CACNA1E: variants seen among roughly 807,000 people sequenced by gnomAD.
The protein encoded by CACNA1E is voltage-dependent R-type calcium channel subunit alpha-1E.
CACNA1E carries 40 observed loss-of-function variants against 259.2 expected under a neutral mutation model. The ratio of observed to expected loss-of-function variants is 0.15; its 90% CI spans 0.12 to 0.20. The LOEUF (loss-of-function observed/expected upper bound fraction) is 0.20. Among genes scored for constraint, CACNA1E ranks in the 10% least tolerant of loss-of-function variants. The pLI, the probability that CACNA1E is intolerant of heterozygous loss-of-function variation, is 1.00. For synonymous variants in CACNA1E, 1,104 were observed against 1,138.5 expected, an observed-to-expected ratio of 0.97 and a Z score of 0.61; for missense variants, 1,874 against 3,040.1, an observed-to-expected ratio of 0.62 and a Z score of 9.02.
intron 2 of CACNA1E, among the ~76,000 whole-genome samples, chr1:181,463,738 C>A (rs1661967241): frequency 6.6e-6 from 1 of 151,950 alleles, no homozygotes; most frequent in African/African-American, 2.4e-5. Context: ...GTATCTTCTC[C>A]CCCACATGAC....
At chr1:181,679,177 G>A (rs929511585) in intron 7 of CACNA1E, among the ~76,000 whole-genome samples, 12 of 152,122 alleles carry the variant, frequency 7.9e-5, no homozygotes, top group Non-Finnish European at 1.3e-4. Flanking sequence ...AAGAATAGCC[G>A]GAAAGTTAAC....
intron 6 of CACNA1E, among the ~76,000 whole-genome samples, chr1:181,646,914 G>A (rs990449407): frequency 6.6e-6 from 1 of 152,260 alleles, no homozygotes; most frequent in Non-Finnish European, 1.5e-5. Flanking sequence ...TACCCGCTGA[G>A]CACTCCTGTG....
At chr1:181,694,479 C>T (rs1206437090) in intron 7 of CACNA1E, among the ~76,000 whole-genome samples, 2 of 152,144 alleles carry the variant, frequency 1.3e-5, no homozygotes, top group African/African-American at 2.4e-5. Flanking sequence ...GCTCTGCCCT[C>T]GTGAATGGAT....
chr1:181,770,134 T>G (rs1456755046), intron 35 of CACNA1E, among the ~76,000 whole-genome samples: 1 of 152,164 alleles, frequency 6.6e-6, no homozygotes, highest in East Asian at 1.9e-4. Context: ...AATTGCACAT[T>G]CTAAAAACTG....
chr1:181,605,063 G>A (rs1654101218), intron 6 of CACNA1E, among the ~76,000 whole-genome samples: 1 of 152,062 alleles, frequency 6.6e-6, no homozygotes, highest in South Asian at 2.1e-4. Context: ...AATAAGGAGA[G>A]CTGTCCAGAG....
At chr1:181,744,742 G>T (rs1309117389) in intron 25 of CACNA1E, among the ~76,000 whole-genome samples, 1 of 152,134 alleles carries the variant, frequency 6.6e-6, no homozygotes, top group Non-Finnish European at 1.5e-5. Flanking sequence ...TAATCTTGGA[G>T]GCAAAAAAAG....
chr1:181,399,176 A>G (rs113116609), intron 1 of CACNA1E, among the ~76,000 whole-genome samples: 1 of 151,898 alleles, frequency 6.6e-6, no homozygotes, highest in Admixed American at 6.6e-5. Flanking sequence ...GCTTGCAGGA[A>G]AGTTACAATT....
At chr1:181,319,279 G>T (rs1300444046) in intron 1 of CACNA1E, among the ~76,000 whole-genome samples, 1 of 152,222 alleles carries the variant, frequency 6.6e-6, no homozygotes, top group African/African-American at 2.4e-5. Context: ...ACTCAGAGAA[G>T]TGTTTTCCTG....
chr1:181,626,238 G>A (rs1285646073), intron 6 of CACNA1E, among the ~76,000 whole-genome samples: 3 of 152,196 alleles, frequency 2.0e-5, no homozygotes, highest in Non-Finnish European at 4.4e-5. Flanking sequence ...AGCATGTGCT[G>A]TTGGAAAAAT....
At chr1:181,725,863 G>A (rs1654859916) in intron 17 of CACNA1E, among the ~76,000 whole-genome samples, 1 of 152,242 alleles carries the variant, frequency 6.6e-6, no homozygotes. Context: ...CTATAGCTGT[G>A]AGACTACTGA....
chr1:181,792,866 A>G (rs1661450601), intron 44 of CACNA1E, among the ~76,000 whole-genome samples: 1 of 152,242 alleles, frequency 6.6e-6, no homozygotes, highest in South Asian at 2.1e-4. Context: ...ACAGAACCTT[A>G]GAGATTTCCA....
At chr1:181,760,781 G>T (rs1385486851) in intron 32 of CACNA1E, among the ~76,000 whole-genome samples, 1 of 152,192 alleles carries the variant, frequency 6.6e-6, no homozygotes, top group Non-Finnish European at 1.5e-5. Context: ...TGACTTCAAA[G>T]CTCACAATAA....
At chr1:181,563,788 G>A (rs1649550599) in intron 3 of CACNA1E, among the ~76,000 whole-genome samples, 1 of 152,142 alleles carries the variant, frequency 6.6e-6, no homozygotes, top group African/African-American at 2.4e-5. Context: ...CATGTACAAG[G>A]ATACCTCAGA....
intron 16 of CACNA1E, among the ~76,000 whole-genome samples, chr1:181,722,940 C>T (rs1486938088): frequency 1.3e-5 from 2 of 152,104 alleles, no homozygotes; most frequent in Non-Finnish European, 2.9e-5. Flanking sequence ...CCAATGGCAC[C>T]ATCATTTTCC....
intron 7 of CACNA1E, among the ~76,000 whole-genome samples, chr1:181,663,213 T>C (rs1572527371): frequency 6.6e-6 from 1 of 152,232 alleles, no homozygotes; most frequent in Non-Finnish European, 1.5e-5. Flanking sequence ...ATCTGCCCGA[T>C]ACCATGGTAA....
intron 7 of CACNA1E, among the ~76,000 whole-genome samples, chr1:181,700,729 G>C (rs77122454): frequency 1.3e-5 from 2 of 152,164 alleles, no homozygotes; most frequent in Non-Finnish European, 1.5e-5. Context: ...TAATGACTGT[G>C]TGAATCAAAA....
At chr1:181,435,390 C>T (rs928159715) in intron 2 of CACNA1E, among the ~76,000 whole-genome samples, 10 of 152,194 alleles carry the variant, frequency 6.6e-5, no homozygotes, top group African/African-American at 2.4e-4. Context: ...AAATGTTCAT[C>T]ATTTATACCT....
intron 40 of CACNA1E, 148 bp from the exon 41 acceptor site, chr1:181,784,512 TG>T: frequency 1.7e-6 from 1 of 574,494 alleles, no homozygotes; most frequent in Non-Finnish European, 3.1e-6. Flanking sequence ...CAGAAAGACC[TG>T]GTATTGCAAG....
At chr1:181,345,906 G>A (rs1652555316) in intron 1 of CACNA1E, among the ~76,000 whole-genome samples, 1 of 152,218 alleles carries the variant, frequency 6.6e-6, no homozygotes, top group East Asian at 1.9e-4. Flanking sequence ...GGGGCTGCAG[G>A]CACCGAGGGT....
Sources: allele counts gnomAD v4.1 joint callset (sites outside exome capture counted in the v4.1 genomes callset), GRCh38; gene constraint gnomAD v4.1.1; transcripts MANE v1.5; gene names NCBI Gene and HGNC (gene_info 2026-07-23, HGNC 2026-07-21).